The following TMEM151A variants were observed in gnomAD, a reference collection of about 807,000 sequenced individuals.
TMEM151A encodes the protein transmembrane protein 151.
Under a neutral mutation model 33.7 loss-of-function variants are expected in TMEM151A, and 21 were observed. The ratio of observed to expected loss-of-function variants is 0.62; its 90% CI spans 0.44 to 0.90. The LOEUF is 0.90. Among genes scored for constraint, TMEM151A ranks in the 40% least tolerant of loss-of-function variants. The pLI, the probability that TMEM151A is intolerant of heterozygous loss-of-function variation, is 0.00. For missense variants in TMEM151A, 704 were observed against 697.7 expected (o/e 1.01, Z -0.10); for synonymous variants, 374 against 330.3 (o/e 1.13, Z -1.43).
In TMEM151A at chr11:66,295,498, G is replaced by T. The variant is rs759409919; in HGVS notation, c.1252G>T (p.Val418Phe). ...CGCTGGCGGCCGGGCCACGCCAGGGGTCTTCCGCAGCCTGAGCGGGGGGCC... is the reference window on the plus strand; with the variant it reads ...CGCTGGCGGCCGGGCCACGCCAGGGTTCTTCCGCAGCCTGAGCGGGGGGCC... ...LGAGGRATPG[V>F]FRSLSGGPLG... The change falls in exon 2 of 2, where the codon GTC becomes TTC. Residue 418 changes from valine (V) to phenylalanine (F), a missense_variant. By Grantham distance (50) the Val-to-Phe change is conservative. Transcript: ENST00000327259. 2.1e-6 allele frequency: 3 copies of T among 1,397,726 alleles called. No individual in the cohort carries two copies. The highest frequency in any genetic ancestry group is 2.8e-6 in the Non-Finnish European group (3 of 1,077,372). The allele number at this position is 1,397,726 out of a possible 1,614,324, so 86.6% of individuals were successfully genotyped here. A position where few individuals can be genotyped will look rare whatever the true frequency, so the allele number is the denominator to read the frequency against.
chr11:66,294,235 C>T, intron 1 of TMEM151A, 87 bp from the exon 2 acceptor site: 2 of 1,552,362 alleles, frequency 1.3e-6, no homozygotes, highest in Non-Finnish European at 1.7e-6. Context: ...CTCACGGTAT[C>T]ACCTTCCTCA....
chr11:66,295,187 A>T lies in TMEM151A; in HGVS notation c.941A>T (p.Gln314Leu). Residue 314 changes from glutamine to leucine, a missense_variant, in exon 2 of 2, where the codon CAG becomes CTG. Gln to Leu is a moderately radical substitution (Grantham distance 113). Coordinates refer to ENST00000327259, the MANE Select transcript of TMEM151A (RefSeq NM_153266.4). Reference sequence around the variant, plus strand: ...TATGGCACGGCTCACGTGCACTACCAGGTGGAGAAGCTCTTTGGCGCCAGC... The same window carrying T: ...TATGGCACGGCTCACGTGCACTACCTGGTGGAGAAGCTCTTTGGCGCCAGC... ...AAYGTAHVHY[Q>L]VEKLFGASSP... The T allele has an allele frequency of 6.3e-7, 1 of 1,586,002 alleles. No individual in the cohort carries two copies.
rs1363450806 is a variant in TMEM151A at position 66,292,067 on chromosome 11, C to T, written c.54C>T (p.Asp18=). The T allele has an allele frequency of 6.7e-7, 1 of 1,485,176 alleles. No individual in the cohort carries two copies. Among genetic ancestry groups the T allele is most frequent in the East Asian group, 2.8e-5 (1 of 35,778 alleles). The allele number at this position is 1,485,176 out of a possible 1,614,324, so 92.0% of individuals were successfully genotyped here. A position where few individuals can be genotyped will look rare whatever the true frequency, so the allele number is the denominator to read the frequency against. Residue 18 remains aspartate, a synonymous_variant, in exon 1 of 2, where the codon GAC becomes GAT. Transcript: ENST00000327259. The surrounding 1 kb of genome is among the most constrained non-coding windows in gnomAD (Gnocchi z 4.7). ...DGGEVPALIP[D]GEPLREEQRP... is the part of the protein sequence containing the mutation. ...GGGAGGTGCCCGCGCTCATCCCGGA[C>T]GGCGAGCCGCTGCGGGAAGAGGTAC...
chr11:66,294,264 G>A, intron 1 of TMEM151A, 58 bp from the exon 2 acceptor site: 7 of 1,583,382 alleles, frequency 4.4e-6, no homozygotes, highest in Non-Finnish European at 6.0e-6. Flanking sequence ...AAGCAAAGTG[G>A]CAGGCCCCAC....
rs377003155 is a variant in TMEM151A at position 66,295,284 on chromosome 11, C to G, written c.1038C>G (p.Leu346=). 3.2e-4 allele frequency: 510 copies of G among 1,577,156 alleles called. 2 individuals carry two copies. The highest frequency in any genetic ancestry group is 4.1e-4 in the Non-Finnish European group (479 of 1,161,902). The change falls in exon 2 of 2, where the codon CTC becomes CTG. Residue 346 remains leucine (L), a synonymous_variant. Transcript: ENST00000327259. ...SRVATVDFTE[L]EWHICSNRQL... ...TGGCCACAGTGGACTTCACTGAGCTCGAGTGGCACATCTGCTCCAACCGGC... is the reference window on the plus strand; with the variant it reads ...TGGCCACAGTGGACTTCACTGAGCTGGAGTGGCACATCTGCTCCAACCGGC...
At chr11:66,294,115 C>T (rs893441956) in intron 1 of TMEM151A, among the ~76,000 whole-genome samples, 2 of 152,204 alleles carry the variant, frequency 1.3e-5, no homozygotes, top group Admixed American at 1.3e-4. Context: ...TTTGGGGCAG[C>T]GAGTCCTGGG....
chr11:66,293,557 G>A (rs1231201722), intron 1 of TMEM151A, among the ~76,000 whole-genome samples: 1 of 151,916 alleles, frequency 6.6e-6, no homozygotes, highest in Non-Finnish European at 1.5e-5. Context: ...CCCTCCATCT[G>A]CTCCCCACCC....
Position 66,292,610 on chromosome 11 carries a change from C to A in TMEM151A, c.75+522C>A, listed in dbSNP as rs745824669. 1.3e-5 allele frequency among the ~76,000 whole-genome samples: 2 copies of A among 152,228 alleles called. No homozygotes were observed. The highest frequency in any genetic ancestry group is 2.9e-5 in the Non-Finnish European group (2 of 68,040). ...GACCCCCGACGGCCCCTCCTCAGCC[C>A]TAGCCAGGAAGGTCTGCAGGACCTG... is the stretch of plus-strand genomic sequence containing the variant. On this transcript the variant is annotated intron_variant, in intron 1 of 1. Coordinates refer to ENST00000327259, the MANE Select transcript of TMEM151A (RefSeq NM_153266.4). This position sits in a 1 kb window ranked among gnomAD's most constrained non-coding sequence, Gnocchi z 4.7.
At chr11:66,293,584 C>G (rs1036152486) in intron 1 of TMEM151A, among the ~76,000 whole-genome samples, 3 of 152,108 alleles carry the variant, frequency 2.0e-5, no homozygotes, top group Non-Finnish European at 4.4e-5. Flanking sequence ...TCGCACCTCC[C>G]CCGTTCTTGA....
In TMEM151A at chr11:66,295,360, G is replaced by A. The variant is rs1857506653; in HGVS notation, c.1114G>A (p.Ala372Thr). 1 of 1,574,548 alleles carries A rather than the reference G, an allele frequency of 6.4e-7. No homozygotes were observed. Among genetic ancestry groups the A allele is most frequent in the Non-Finnish European group, 8.6e-7 (1 of 1,162,934 alleles). Reference sequence around the variant, plus strand: ...CGTGGTCATGGGCGCGGGCTCGGGCGCCTACCTCAGAGGCTGCCAGCGCTG... The same window carrying A: ...CGTGGTCATGGGCGCGGGCTCGGGCACCTACCTCAGAGGCTGCCAGCGCTG... The part of the protein sequence containing the change: ...EAVVMGAGSG[A>T]YLRGCQRCRR... Residue 372 changes from alanine to threonine, a missense_variant, in exon 2 of 2, where the codon GCC becomes ACC. Physicochemically the swap from Ala to Thr is moderately conservative, Grantham distance 58. This residue lies in a region of TMEM151A where 398 missense variants were observed against 356.0 expected (regional missense o/e 1.12). Coordinates refer to ENST00000327259, the MANE Select transcript of TMEM151A (RefSeq NM_153266.4).
Position 66,294,317 on chromosome 11 carries a change from T to G in TMEM151A, c.76-5T>G. On this transcript the variant is annotated splice_region_variant and splice_polypyrimidine_tract_variant and intron_variant, in intron 1 of 1. Coordinates refer to ENST00000327259, the MANE Select transcript of TMEM151A (RefSeq NM_153266.4). ...ACAGACTTCCCTTTCTCTGCCCACC[T>G]GCAGCAGCGGCCCCTGAAACAGTCC... 6.2e-7 allele frequency: 1 copy of G among 1,605,694 alleles called. No homozygotes were observed. The highest frequency in any genetic ancestry group is 8.5e-7 in the Non-Finnish European group (1 of 1,179,406).
rs1857462188 is a variant in TMEM151A at position 66,292,140 on chromosome 11, C to T, written c.75+52C>T. 1 of 1,373,276 alleles carries T rather than the reference C, an allele frequency of 7.3e-7. No individual in the cohort carries two copies. Among genetic ancestry groups the T allele is most frequent in the African/African-American group, 1.5e-5 (1 of 65,384 alleles). The allele number at this position is 1,373,276 out of a possible 1,614,324, so 85.1% of individuals were successfully genotyped here. A position where few individuals can be genotyped will look rare whatever the true frequency, so the allele number is the denominator to read the frequency against. ...GGGCCTGGGGCGGCGTGAGAGGGAC[C>T]AGTGCAAAAGGCGACCCCAAGAGAG... On this transcript the variant is annotated intron_variant, in intron 1 of 1. Transcript: ENST00000327259. The surrounding 1 kb of genome is among the most constrained non-coding windows in gnomAD (Gnocchi z 4.7).
rs1160791094 is a variant in TMEM151A, at chr11:66,295,226, G to A, written c.980G>A (p.Gly327Glu). The part of the protein sequence containing the change: ...KLFGASSPPP[G>E]AVPSGPPLSR... ...TTTGGCGCCAGCTCGCCCCCGCCGGGGGCCGTGCCCAGCGGGCCCCCGCTG... is the reference window on the plus strand; with the variant it reads ...TTTGGCGCCAGCTCGCCCCCGCCGGAGGCCGTGCCCAGCGGGCCCCCGCTG... Residue 327 changes from glycine (G) to glutamate (E), a missense_variant, in exon 2 of 2, where the codon GGG becomes GAG. Gly to Glu is a moderately conservative substitution (Grantham distance 98). Coordinates refer to ENST00000327259, the MANE Select transcript of TMEM151A (RefSeq NM_153266.4). The A allele has an allele frequency of 1.3e-6, 2 of 1,566,802 alleles. No homozygotes were observed. Among genetic ancestry groups the A allele is most frequent in the East Asian group, 2.4e-5 (1 of 42,190 alleles).
chr11:66,292,789 C>T lies in TMEM151A; in HGVS notation c.75+701C>T, dbSNP rs1282719162. Among the ~76,000 whole-genome samples, 1 of 150,140 alleles carries T rather than the reference C, an allele frequency of 6.7e-6. No homozygotes were observed. The highest frequency in any genetic ancestry group is 2.5e-5 in the African/African-American group (1 of 40,462). On this transcript the variant is annotated intron_variant, in intron 1 of 1. Transcript: ENST00000327259. The surrounding 1 kb of genome is among the most constrained non-coding windows in gnomAD (Gnocchi z 4.7). ...GTGAGGGGCGAGTGGGTGCCTGGCT[C>T]GGGTTGTCACCCAGTGGTCTAGGTG...
In TMEM151A at chr11:66,294,777, G is replaced by T; in HGVS notation, c.531G>T (p.Thr177=). Residue 177 remains threonine, a synonymous_variant, in exon 2 of 2, where the codon ACG becomes ACT. Transcript: ENST00000327259. The part of the protein sequence containing the change: ...RYRNGDAYTT[T]QVYHERADSR... ...GCAACGGCGACGCCTACACCACCAC[G>T]CAGGTGTACCATGAGCGCGCTGACA... is the stretch of plus-strand genomic sequence containing the variant. The T allele has an allele frequency of 6.5e-7, 1 of 1,546,156 alleles. No individual in the cohort carries two copies. Among genetic ancestry groups the T allele is most frequent in the Non-Finnish European group, 8.7e-7 (1 of 1,147,000 alleles).
rs944961184 is a variant in TMEM151A at position 66,295,633 on chromosome 11, G to T, written c.1387G>T (p.Asp463Tyr). The T allele has an allele frequency of 1.3e-6, 2 of 1,540,266 alleles. No homozygotes were observed. Among genetic ancestry groups the T allele is most frequent in the East Asian group, 2.6e-5 (1 of 38,372 alleles). ...CCACGGAGACAGCGGCTGCCAGGGGGATGGGCAGGGTGCTCTCTGAGACCC... is the reference window on the plus strand; with the variant it reads ...CCACGGAGACAGCGGCTGCCAGGGGTATGGGCAGGGTGCTCTCTGAGACCC... ...IVHGDSGCQG[D>Y]GQGAL The change falls in exon 2 of 2, where the codon GAT (aspartate) becomes TAT (tyrosine). Residue 463 changes from aspartate (D) to tyrosine (Y), a missense_variant. Physicochemically the swap from Asp to Tyr is radical, Grantham distance 160. Around this residue, in one of 3 missense-constraint regions of TMEM151A, gnomAD observed 398 missense variants for 356.0 expected, o/e 1.12. Transcript: ENST00000327259.
Position 66,295,597 on chromosome 11 carries a change from G to C in TMEM151A, c.1351G>C (p.Val451Leu). The C allele has an allele frequency of 6.5e-7, 1 of 1,545,082 alleles. No individual in the cohort carries two copies. Among genetic ancestry groups the C allele is most frequent in the Non-Finnish European group, 8.7e-7 (1 of 1,148,168 alleles). The change falls in exon 2 of 2, where the codon GTG (valine) becomes CTG (leucine). Residue 451 changes from valine to leucine, a missense_variant. Physicochemically the swap from Val to Leu is conservative, Grantham distance 32. Around this residue, in one of 3 missense-constraint regions of TMEM151A, gnomAD observed 398 missense variants for 356.0 expected, o/e 1.12. Transcript: ENST00000327259. ...CTATGAGGACGCCCTCTACTTCCCG[G>C]TGCTCATTGTCCACGGAGACAGCGG... ...PCYEDALYFP[V>L]LIVHGDSGCQ...
chr11:66,295,515 CG>C lies in TMEM151A; in HGVS notation c.1275del (p.Pro426ArgfsTer62). ...ATPGVFRSLSGGPLGRRGEDT... is the reference protein window; with the variant it reads ...ATPGVFRSLSXGPLGRRGEDT... The stretch of plus-strand genomic sequence containing the variant: ...CGCCAGGGGTCTTCCGCAGCCTGAG[CG>C]GGGGGCCGCTGGGGCGCCGTGGAGA... On this transcript the variant is annotated frameshift_variant, in exon 2 of 2. Coordinates refer to ENST00000327259, the MANE Select transcript of TMEM151A (RefSeq NM_153266.4). LOFTEE classifies it high-confidence loss of function. 5.0e-6 allele frequency: 7 copies of C among 1,394,016 alleles called. No individual in the cohort carries two copies. The highest frequency in any genetic ancestry group is 3.4e-5 in the Admixed American group (1 of 29,002). The allele number at this position is 1,394,016 out of a possible 1,614,324, so 86.4% of individuals were successfully genotyped here.
In TMEM151A at chr11:66,295,646, C is replaced by T. The variant is rs766789203; in HGVS notation, c.1400C>T (p.Ala467Val). ...GGCTGCCAGGGGGATGGGCAGGGTG[C>T]TCTCTGAGACCCCCCACGGCCCCCA... is the stretch of plus-strand genomic sequence containing the variant. Reference protein sequence around the residue: ...DSGCQGDGQGAL With the variant: ...DSGCQGDGQGVL The change falls in exon 2 of 2, where the codon GCT becomes GTT. Residue 467 changes from alanine (A) to valine (V), a missense_variant. Ala to Val is a moderately conservative substitution (Grantham distance 64). This residue lies in a region of TMEM151A where 398 missense variants were observed against 356.0 expected (regional missense o/e 1.12). Coordinates refer to ENST00000327259, the MANE Select transcript of TMEM151A (RefSeq NM_153266.4). The T allele has an allele frequency of 1.8e-5, 27 of 1,513,896 alleles. No homozygotes were observed. The highest frequency in any genetic ancestry group is 2.3e-5 in the Non-Finnish European group (26 of 1,136,302). 93.8% of individuals were successfully genotyped at this position (1,513,896 alleles called of 1,614,324 possible).
Sources: gnomAD v4.1 joint callset for allele counts (sites outside exome capture counted in the v4.1 genomes callset) on GRCh38, gnomAD v4.1.1 for gene constraint, gnomAD v4.1.1 regional missense constraint, Gnocchi (gnomAD v3.1) non-coding constraint, MANE v1.5 for transcripts, NCBI Gene and HGNC (gene_info 2026-07-23, HGNC 2026-07-21) for gene names.